Variants in STXBP5L observed in about 807,000 individuals in gnomAD.
The protein encoded by STXBP5L is syntaxin binding protein 5L.
STXBP5L carries 65 observed loss-of-function variants against 144.5 expected under a neutral mutation model. The observed-to-expected ratio is 0.45, with a 90% confidence interval of 0.37 to 0.55. The LOEUF (loss-of-function observed/expected upper bound fraction) is 0.55. Among genes scored for constraint, STXBP5L ranks in the 20% least tolerant of loss-of-function variants. The probability of loss-of-function intolerance (pLI) is 0.00; values close to 1 mark genes in which losing one functional copy is unlikely to be tolerated. For synonymous variants in STXBP5L, 505 were observed against 469.6 expected (o/e 1.08, Z -0.97); for missense variants, 1,298 against 1,405.5 (o/e 0.92, Z 1.22).
chr3:121,198,897 A>G (rs2048026022), intron 9 of STXBP5L, among the ~76,000 whole-genome samples: 1 of 152,162 alleles, frequency 6.6e-6, no homozygotes, highest in Non-Finnish European at 1.5e-5. Context: ...GCCTTGTAGT[A>G]TAGTGTGAAC....
chr3:121,403,365 A>G (rs2108736375), intron 22 of STXBP5L, among the ~76,000 whole-genome samples: 1 of 152,160 alleles, frequency 6.6e-6, no homozygotes, highest in East Asian at 1.9e-4. Flanking sequence ...ACTATATTCC[A>G]CTTATACTCT....
chr3:120,916,891 T>G (rs1709129277), intron 2 of STXBP5L, among the ~76,000 whole-genome samples: 1 of 152,196 alleles, frequency 6.6e-6, no homozygotes, highest in Admixed American at 6.5e-5. Flanking sequence ...TCCTATAAAT[T>G]GACTAAAAAC....
intron 3 of STXBP5L, among the ~76,000 whole-genome samples, chr3:121,008,782 A>G (rs754851118): frequency 3.3e-5 from 5 of 151,994 alleles, no homozygotes; most frequent in Non-Finnish European, 5.9e-5. Flanking sequence ...GCAATTTTAT[A>G]TGGAATTTGT....
At chr3:121,187,861 T>C (rs919055464) in intron 9 of STXBP5L, among the ~76,000 whole-genome samples, 18 of 144,636 alleles carry the variant, frequency 1.2e-4, no homozygotes, top group African/African-American at 4.4e-4. Context: ...ACCAAGCAAA[T>C]GGAAAGAAAA....
chr3:121,313,687 A>G (rs2043655030), intron 19 of STXBP5L, among the ~76,000 whole-genome samples: 1 of 60,358 alleles, frequency 1.7e-5, no homozygotes, highest in African/African-American at 7.4e-5. Context: ...GCAGCCGGGC[A>G]GAGGAGCCCC....
intron 3 of STXBP5L, among the ~76,000 whole-genome samples, chr3:120,995,275 G>A (rs1188246461): frequency 6.6e-6 from 1 of 152,078 alleles, no homozygotes; most frequent in East Asian, 1.9e-4. Flanking sequence ...AGCCTCCCCA[G>A]TAGCTGGGAT....
intron 3 of STXBP5L, among the ~76,000 whole-genome samples, chr3:121,017,895 T>G (rs1203159529): frequency 6.6e-6 from 1 of 152,032 alleles, no homozygotes; most frequent in African/African-American, 2.4e-5. Flanking sequence ...CGGGGCAATG[T>G]TGTGAGACCC....
chr3:120,921,121 A>T (rs1249152219), intron 2 of STXBP5L, among the ~76,000 whole-genome samples: 1 of 151,926 alleles, frequency 6.6e-6, no homozygotes, highest in East Asian at 1.9e-4. Context: ...CTCTCTCCAC[A>T]TCCTTGCCAG....
chr3:121,242,452 CAT>C (rs1408062248), intron 14 of STXBP5L, among the ~76,000 whole-genome samples: 2 of 151,986 alleles, frequency 1.3e-5, no homozygotes, highest in Admixed American at 1.3e-4. Flanking sequence ...AGATGACACT[CAT>C]AGAATGTGAT....
At chr3:121,061,298 A>G (rs1410194201) in intron 5 of STXBP5L, among the ~76,000 whole-genome samples, 1 of 152,030 alleles carries the variant, frequency 6.6e-6, no homozygotes, top group Non-Finnish European at 1.5e-5. Context: ...GAGTTTCTTA[A>G]CCCCGAGTTC....
intron 5 of STXBP5L, among the ~76,000 whole-genome samples, chr3:121,058,567 G>A (rs1948611581): frequency 6.6e-6 from 1 of 152,114 alleles, no homozygotes; most frequent in Non-Finnish European, 1.5e-5. Context: ...TTCCACAATG[G>A]CTGAACTAAT....
intron 20 of STXBP5L, among the ~76,000 whole-genome samples, chr3:121,375,812 T>A (rs572060032): frequency 1.6e-4 from 25 of 152,338 alleles, no homozygotes; most frequent in Middle Eastern, 3.4e-3. Flanking sequence ...GTTCTTCATG[T>A]TCAACATGGC....
intron 5 of STXBP5L, among the ~76,000 whole-genome samples, chr3:121,054,340 C>T (rs1471576287): frequency 3.3e-5 from 5 of 151,920 alleles, no homozygotes; most frequent in South Asian, 2.1e-4. Context: ...TGGAACCAAC[C>T]CAAATGTCCA....
At chr3:120,974,719 A>G (rs891870442) in intron 3 of STXBP5L, among the ~76,000 whole-genome samples, 7 of 152,126 alleles carry the variant, frequency 4.6e-5, no homozygotes, top group Admixed American at 1.3e-4. Flanking sequence ...TAATTTTTGT[A>G]TAAGGTGTAA....
chr3:120,968,273 T>A (rs1939833031), intron 3 of STXBP5L, among the ~76,000 whole-genome samples: 1 of 152,216 alleles, frequency 6.6e-6, no homozygotes, highest in South Asian at 2.1e-4. Context: ...CTTTTATATT[T>A]GGGTGCTCTG....
chr3:121,350,421 C>A (rs965938470), intron 20 of STXBP5L, among the ~76,000 whole-genome samples: 4 of 152,122 alleles, frequency 2.6e-5, no homozygotes, highest in African/African-American at 9.7e-5. Flanking sequence ...TTTGGTGAAT[C>A]TGACAATTAT....
chr3:121,009,344 G>A (rs944516695), intron 3 of STXBP5L, among the ~76,000 whole-genome samples: 1 of 151,890 alleles, frequency 6.6e-6, no homozygotes, highest in Non-Finnish European at 1.5e-5. Context: ...TTATTTTCTA[G>A]ACTCCTGACC....
At chr3:120,978,812 C>G (rs1941399547) in intron 3 of STXBP5L, among the ~76,000 whole-genome samples, 2 of 152,220 alleles carry the variant, frequency 1.3e-5, no homozygotes, top group South Asian at 4.1e-4. Context: ...AGGTCCACTC[C>G]AGACCCTGTT....
intron 2 of STXBP5L, among the ~76,000 whole-genome samples, chr3:120,929,849 T>C (rs1709830913): frequency 6.6e-6 from 1 of 152,084 alleles, no homozygotes. Context: ...ACTGGTGAGC[T>C]TGATTATTTT....
Sources: gnomAD v4.1 joint callset for allele counts (sites outside exome capture counted in the v4.1 genomes callset) on GRCh38, gnomAD v4.1.1 for gene constraint, MANE v1.5 for transcripts, NCBI Gene and HGNC (gene_info 2026-07-23, HGNC 2026-07-21) for gene names.